Variants in SPCS2 observed in about 807,000 individuals in gnomAD.
SPCS2 encodes signal peptidase complex subunit 2.
A neutral mutation model predicts 22.3 loss-of-function variants in SPCS2; 3 were observed. The ratio of observed to expected loss-of-function variants is 0.13; its 90% CI spans 0.06 to 0.35. The LOEUF (loss-of-function observed/expected upper bound fraction) is 0.35, where lower values mean the gene tolerates loss of function less well. Among genes scored for constraint, SPCS2 ranks in the 10% least tolerant of loss-of-function variants. The pLI is 1.00. For missense variants in SPCS2, 169 were observed against 280.9 expected, an observed-to-expected ratio of 0.60 and a Z score of 2.85; for synonymous variants, 67 against 97.2, an observed-to-expected ratio of 0.69 and a Z score of 1.83.
At chr11:74,975,642 T>C (rs1948610242) in intron 4 of SPCS2, among the ~76,000 whole-genome samples, 1 of 152,186 alleles carries the variant, frequency 6.6e-6, no homozygotes, top group Non-Finnish European at 1.5e-5. Flanking sequence ...TGAGAAAATA[T>C]TTTGAGGTGT....
At chr11:74,968,765 T>C (rs1212154931) in intron 3 of SPCS2, among the ~76,000 whole-genome samples, 1 of 152,150 alleles carries the variant, frequency 6.6e-6, no homozygotes, top group Non-Finnish European at 1.5e-5. Context: ...CCTCAAGTGA[T>C]CTGCCCACCT....
intron 1 of SPCS2, among the ~76,000 whole-genome samples, chr11:74,953,621 C>CAA (rs1390459550): frequency 6.6e-6 from 1 of 152,122 alleles, no homozygotes; most frequent in Non-Finnish European, 1.5e-5. Context: ...CCTAGTTTTC[C>CAA]CTAAGCAGAT....
intron 1 of SPCS2, among the ~76,000 whole-genome samples, chr11:74,962,614 A>G (rs970137919): frequency 6.6e-6 from 1 of 152,156 alleles, no homozygotes; most frequent in East Asian, 1.9e-4. Context: ...GAGGAGCAGC[A>G]TACATTTTAG....
At chr11:74,972,295 C>T (rs2140221008) in intron 4 of SPCS2, among the ~76,000 whole-genome samples, 1 of 152,272 alleles carries the variant, frequency 6.6e-6, no homozygotes, top group Non-Finnish European at 1.5e-5. Flanking sequence ...AACTCGTGAC[C>T]TCAAGTGATC....
intron 2 of SPCS2, among the ~76,000 whole-genome samples, 196 bp from the exon 3 acceptor site, chr11:74,965,567 A>G (rs1948539745): frequency 6.6e-6 from 1 of 152,192 alleles, no homozygotes; most frequent in Non-Finnish European, 1.5e-5. Flanking sequence ...AAAGTTTTTT[A>G]TATGAGGGAT....
intron 3 of SPCS2, among the ~76,000 whole-genome samples, chr11:74,968,666 G>C (rs967805855): frequency 6.6e-6 from 1 of 151,962 alleles, no homozygotes; most frequent in Non-Finnish European, 1.5e-5. Context: ...AGGACTACAG[G>C]CATGTACCAC....
At chr11:74,953,246 G>A (rs1027231444) in intron 1 of SPCS2, among the ~76,000 whole-genome samples, 4 of 150,222 alleles carry the variant, frequency 2.7e-5, no homozygotes, top group African/African-American at 7.4e-5. Context: ...ACAGAGTCTC[G>A]ATTTGTCGCA....
rs1397244918 is a variant in SPCS2, at chr11:74,969,670, T to G, written c.465T>G (p.Asp155Glu). 1 of 1,613,750 alleles carries G rather than the reference T, an allele frequency of 6.2e-7. No homozygotes were observed. The highest frequency in any genetic ancestry group is 8.5e-7 in the Non-Finnish European group (1 of 1,179,686). The change falls in exon 4 of 5, where the codon GAT (aspartate) becomes GAG (glutamate). Residue 155 changes from aspartate to glutamate, a missense_variant. Around this residue, in one of 2 missense-constraint regions of SPCS2, gnomAD observed 118 missense variants for 243.1 expected, o/e 0.49. Coordinates refer to ENST00000263672, the MANE Select transcript of SPCS2 (RefSeq NM_014752.3). ...ATCCTACAGGAATGGATCCTGATGA[T>G]ATTTGGCAGCTGTCCTCCAGTCTTA... The part of the protein sequence containing the change: ...RKDPTGMDPD[D>E]IWQLSSSLKR...
intron 3 of SPCS2, chr11:74,968,100 C>T (rs1310982496): frequency 6.6e-6 from 1 of 152,158 alleles, no homozygotes; most frequent in Non-Finnish European, 1.5e-5. Context: ...AGATTTAAAT[C>T]TAGGATTATC....
chr11:74,959,283 C>T (rs1444421954), intron 1 of SPCS2, among the ~76,000 whole-genome samples: 1 of 152,210 alleles, frequency 6.6e-6, no homozygotes, highest in Non-Finnish European at 1.5e-5. Flanking sequence ...TCTTTTATAT[C>T]ACTGCATAAC....
intron 1 of SPCS2, chr11:74,963,649 G>C (rs192469830): frequency 1.5e-3 from 658 of 429,288 alleles, no homozygotes; most frequent in Non-Finnish European, 2.4e-3. Flanking sequence ...GGCTCAAGCT[G>C]TTCTGCCACC....
intron 4 of SPCS2, among the ~76,000 whole-genome samples, chr11:74,974,949 T>C (rs1180296456): frequency 6.6e-6 from 1 of 152,112 alleles, no homozygotes; most frequent in Admixed American, 6.5e-5. Flanking sequence ...TCTGCAGCCC[T>C]CTCTCCACCC....
intron 4 of SPCS2, among the ~76,000 whole-genome samples, chr11:74,973,158 G>A (rs1033200318): frequency 6.6e-6 from 1 of 152,094 alleles, no homozygotes; most frequent in Non-Finnish European, 1.5e-5. Flanking sequence ...TCATTACTCC[G>A]GTACTACAGG....
intron 4 of SPCS2, among the ~76,000 whole-genome samples, chr11:74,974,695 A>G (rs1278212066): frequency 6.6e-6 from 1 of 152,068 alleles, no homozygotes; most frequent in Non-Finnish European, 1.5e-5. Flanking sequence ...GCTCGCTGCA[A>G]GCTCCGCCTC....
At chr11:74,955,847 TTAAAATATA>T in intron 1 of SPCS2, among the ~76,000 whole-genome samples, 1 of 108,028 alleles carries the variant, frequency 9.3e-6, no homozygotes, top group East Asian at 3.1e-4. Flanking sequence ...TAATTACTAA[TTAAAATATA>T]TATATATATA....
rs1948541200 is a variant in SPCS2 at position 74,965,746 on chromosome 11, CTTG to C, written c.199-14_199-12del. The C allele has an allele frequency of 2.5e-6, 4 of 1,607,070 alleles. No individual in the cohort carries two copies. In the East Asian group the frequency reaches 8.9e-5, roughly 36 times the overall value. ...GGAAGTATTCCTATTAGCTTGATTC[CTTG>C]TTTTTCTCACCAGGTACTTCTGGAA... On this transcript the variant is annotated splice_polypyrimidine_tract_variant and intron_variant, in intron 2 of 4. Transcript: ENST00000263672.
At chr11:74,966,768 G>GT (rs1761409011) in intron 3 of SPCS2, among the ~76,000 whole-genome samples, 1 of 50,982 alleles carries the variant, frequency 2.0e-5, no homozygotes, top group South Asian at 3.6e-4. Flanking sequence ...ATTTTGTTTT[G>GT]TTTTCTTTTT....
chr11:74,965,499 A>C (rs994817093), intron 2 of SPCS2, among the ~76,000 whole-genome samples: 3 of 152,196 alleles, frequency 2.0e-5, no homozygotes, highest in Non-Finnish European at 1.5e-5. Context: ...TTCATGATAA[A>C]TCATCTCTCC....
In SPCS2 at chr11:74,965,782, A is replaced by G. The variant is rs1948541586; in HGVS notation, c.218A>G (p.Lys73Arg). The G allele has an allele frequency of 1.2e-6, 2 of 1,612,846 alleles. No individual in the cohort carries two copies. The highest frequency in any genetic ancestry group is 2.2e-5 in the East Asian group (1 of 44,852). The change falls in exon 3 of 5, where the codon AAA becomes AGA. Residue 73 changes from lysine to arginine, a missense_variant. By Grantham distance (26) the Lys-to-Arg change is conservative. This residue lies in a region of SPCS2 where 118 missense variants were observed against 243.1 expected (regional missense o/e 0.49). Coordinates refer to ENST00000263672, the MANE Select transcript of SPCS2 (RefSeq NM_014752.3). ...SAKKVLLEKY[K>R]YVENFGLIDG... is the part of the protein sequence containing the mutation. ...CACCAGGTACTTCTGGAAAAATACA[A>G]ATATGTGGAGAATTTTGGTCTAATT... is the stretch of plus-strand genomic sequence containing the variant.
Sources: gnomAD v4.1 joint callset for allele counts (sites outside exome capture counted in the v4.1 genomes callset) on GRCh38, gnomAD v4.1.1 for gene constraint, gnomAD v4.1.1 regional missense constraint, MANE v1.5 for transcripts, NCBI Gene and HGNC (gene_info 2026-07-23, HGNC 2026-07-21) for gene names.